Variants in SMARCE1 observed in about 807,000 individuals in gnomAD.
SMARCE1 encodes SWI/SNF related BAF chromatin remodeling complex subunit E1.
Under a neutral mutation model 54.9 loss-of-function variants are expected in SMARCE1, and 13 were observed. That is an observed-to-expected ratio of 0.24 (90% CI 0.15 to 0.38). SMARCE1 has a LOEUF of 0.38. Ranked by LOEUF, SMARCE1 falls within the 10% of genes least tolerant of loss-of-function variation. The pLI is 1.00. For missense variants in SMARCE1, 295 were observed against 523.8 expected (o/e 0.56, Z 4.26); for synonymous variants, 151 against 175.3 (o/e 0.86, Z 1.10).
chr17:40,632,117 G>T, intron 8 of SMARCE1, 78 bp downstream of exon 8: 1 of 1,118,396 alleles, frequency 8.9e-7, no homozygotes, highest in Non-Finnish European at 1.3e-6. Flanking sequence ...GGTAGATTTA[G>T]GCATGGTGTA....
At position 40,642,801 on chromosome 17, in the gene SMARCE1, TTG is replaced by T. The variant is rs2037212296; in HGVS notation, c.52-244_52-243del. On this transcript the variant is annotated intron_variant, in intron 3 of 10. Transcript: ENST00000348513. This position sits in a 1 kb window ranked among gnomAD's most constrained non-coding sequence, Gnocchi z 4.6. ...TCTTTTTTGCAGGGGCTGGGGGTGT[TTG>T]TGTGACTGTGAATGTGTGTTTTGTT... The T allele has an allele frequency of 2.1e-6, 1 of 480,380 alleles. No homozygotes were observed. Among genetic ancestry groups the T allele is most frequent in the East Asian group, 3.6e-5 (1 of 27,876 alleles). The allele number at this position is 480,380 out of a possible 1,614,324, so 29.8% of individuals were successfully genotyped here. A position where few individuals can be genotyped will look rare whatever the true frequency, so the allele number is the denominator to read the frequency against.
At chr17:40,640,665 A>G (rs1386302191) in intron 4 of SMARCE1, 1 of 152,184 alleles carries the variant, frequency 6.6e-6, no homozygotes, top group Non-Finnish European at 1.5e-5. Context: ...AGTAGTGTAA[A>G]ACCTCCACAT....
At chr17:40,630,965 A>G (rs1597742629) in intron 9 of SMARCE1, 41 bp from the exon 10 acceptor site, 1 of 1,533,750 alleles carries the variant, frequency 6.5e-7, no homozygotes. Flanking sequence ...TTTTTTCCTT[A>G]TAATTTTTGA....
chr17:40,636,169 T>C, intron 6 of SMARCE1, 67 bp from the exon 7 acceptor site: 1 of 1,328,724 alleles, frequency 7.5e-7, no homozygotes, highest in Non-Finnish European at 1.0e-6. Flanking sequence ...ACCTATGTTA[T>C]CTCACTTGAA....
At chr17:40,637,174 T>G (rs948008908) in intron 5 of SMARCE1, 1 of 271,178 alleles carries the variant, frequency 3.7e-6, no homozygotes, top group African/African-American at 2.3e-5. Flanking sequence ...AAATGAGATA[T>G]TAATTCATGT....
In SMARCE1 at chr17:40,627,997, A is replaced by G. The variant is rs2037052439; in HGVS notation, c.*788T>C. 6.6e-6 allele frequency: 1 copy of G among 152,650 alleles called. No homozygotes were observed. Among genetic ancestry groups the G allele is most frequent in the African/African-American group, 2.4e-5 (1 of 41,458 alleles). 9.5% of individuals were successfully genotyped at this position (152,650 alleles called of 1,614,324 possible). A position where few individuals can be genotyped will look rare whatever the true frequency, so the allele number is the denominator to read the frequency against. ...TGGAATGGGCTAATCAGTTTGAATT[A>G]TCTAGTCCATTACAAGAATATTAAA... On this transcript the variant is annotated 3_prime_UTR_variant, in exon 11 of 11. Transcript: ENST00000348513.
Position 40,636,736 on chromosome 17 carries a change from G to C in SMARCE1, c.238-210C>G, listed in dbSNP as rs533020960. Reference sequence around the variant, plus strand: ...CTGGATTACTTTAAGATAGATCTCAGACATCACGTCACTCACTTATAAATA... The same window carrying C: ...CTGGATTACTTTAAGATAGATCTCACACATCACGTCACTCACTTATAAATA... On this transcript the variant is annotated intron_variant, in intron 5 of 10. Coordinates refer to ENST00000348513, the MANE Select transcript of SMARCE1 (RefSeq NM_003079.5). 16 of 450,420 alleles carry C rather than the reference G, an allele frequency of 3.6e-5. No individual in the cohort carries two copies. The South Asian group carries it at 5.2e-4, about 15-fold the overall frequency. 27.9% of individuals were successfully genotyped at this position (450,420 alleles called of 1,614,324 possible). A position where few individuals can be genotyped will look rare whatever the true frequency, so the allele number is the denominator to read the frequency against.
chr17:40,641,185 T>TC (rs2037196995), intron 4 of SMARCE1: 1 of 152,248 alleles, frequency 6.6e-6, no homozygotes, highest in Non-Finnish European at 1.5e-5. Context: ...AAATGTTCTT[T>TC]ATCATTTGAA....
chr17:40,630,868 C>T lies in SMARCE1; in HGVS notation c.873G>A (p.Gln291=). ...DMEKIAAEIA[Q]AEEQARKRQE... is the part of the protein sequence containing the mutation. The stretch of plus-strand genomic sequence containing the variant: ...GCCTTTTGCGGGCCTGTTCCTCTGC[C>T]TGTGCAATCTCAGCTGCAATTTTCT... The change falls in exon 10 of 11, where the codon CAG becomes CAA. Residue 291 remains glutamine, a synonymous_variant. Coordinates refer to ENST00000348513, the MANE Select transcript of SMARCE1 (RefSeq NM_003079.5). 6.2e-7 allele frequency: 1 copy of T among 1,613,936 alleles called. No homozygotes were observed. The highest frequency in any genetic ancestry group is 1.7e-5 in the Admixed American group (1 of 60,010).
At chr17:40,633,537 G>A (rs1292726563) in intron 7 of SMARCE1, 1 of 152,172 alleles carries the variant, frequency 6.6e-6, no homozygotes, top group Non-Finnish European at 1.5e-5. Flanking sequence ...CACCAGACAG[G>A]GAGGAACCAC....
At chr17:40,646,333 TGAACTTC>T (rs2037256616) in intron 1 of SMARCE1, among the ~76,000 whole-genome samples, 1 of 152,222 alleles carries the variant, frequency 6.6e-6, no homozygotes, top group African/African-American at 2.4e-5. Context: ...GGTATGACAA[TGAACTTC>T]ACATTCTCTT....
rs1478087259 is a variant in SMARCE1, at chr17:40,632,380, A to C, written c.542-13T>G. The C allele has an allele frequency of 2.5e-6, 4 of 1,610,826 alleles. No homozygotes were observed. The highest frequency in any genetic ancestry group is 3.4e-6 in the Non-Finnish European group (4 of 1,178,106). ...CCATCATCATAATCTGGAGTGAACA[A>C]ATTGTTCTGGAAATCAGGTCACCAG... On this transcript the variant is annotated splice_polypyrimidine_tract_variant and intron_variant, in intron 7 of 10. Transcript: ENST00000348513.
rs1309124451 is a variant in SMARCE1, at chr17:40,638,590, C to A, written c.157-1018G>T. On this transcript the variant is annotated intron_variant, in intron 4 of 10. Transcript: ENST00000348513. The stretch of plus-strand genomic sequence containing the variant: ...CCAGATAACACCCATCTAAAAGTAT[C>A]TATTTCTGAACTTTTTAGTCTCCTG... Among the ~76,000 whole-genome samples, 5 of 152,092 alleles carry A rather than the reference C, an allele frequency of 3.3e-5. No individual in the cohort carries two copies. The East Asian group carries it at 7.7e-4, about 23-fold the overall frequency.
rs2037206650 is a variant in SMARCE1 at position 40,642,277 on chromosome 17, TCTCA to T, written c.156+174_156+177del. The T allele has an allele frequency of 1.5e-6, 1 of 671,222 alleles. No individual in the cohort carries two copies. Among genetic ancestry groups the T allele is most frequent in the Non-Finnish European group, 2.7e-6 (1 of 374,166 alleles). The allele number at this position is 671,222 out of a possible 1,614,324, so 41.6% of individuals were successfully genotyped here. A position where few individuals can be genotyped will look rare whatever the true frequency, so the allele number is the denominator to read the frequency against. ...TCTTTTCTTCTATATACATTCCAGATCTCACTATTTATTTTTTCAGTGTGAGATG... is the reference window on the plus strand; with the variant it reads ...TCTTTTCTTCTATATACATTCCAGATCTATTTATTTTTTCAGTGTGAGATG... On this transcript the variant is annotated intron_variant, in intron 4 of 10. Transcript: ENST00000348513. This position sits in a 1 kb window ranked among gnomAD's most constrained non-coding sequence, Gnocchi z 4.6.
rs773055084 is a variant in SMARCE1, at chr17:40,635,855, AACTTAT to A, written c.541+70_541+75del. 260 of 1,107,916 alleles carry A rather than the reference AACTTAT, an allele frequency of 2.3e-4. 1 individual carries two copies. Among genetic ancestry groups the A allele is most frequent in the Middle Eastern group, 4.2e-4 (2 of 4,734 alleles). 68.6% of individuals were successfully genotyped at this position (1,107,916 alleles called of 1,614,324 possible). ...TTTTCCATTTAGGATAAGAAATAAAAACTTATACTTAAGAGATTTCTCATATCTTAA... is the reference window on the plus strand; with the variant it reads ...TTTTCCATTTAGGATAAGAAATAAAAACTTAAGAGATTTCTCATATCTTAA... On this transcript the variant is annotated intron_variant, in intron 7 of 10. Transcript: ENST00000348513.
chr17:40,630,801 T>C lies in SMARCE1; in HGVS notation c.940A>G (p.Ser314Gly). Residue 314 changes from serine to glycine, a missense_variant, in exon 10 of 11, where the codon AGT becomes GGT. This residue lies in a region of SMARCE1 where 147 missense variants were observed against 161.4 expected (regional missense o/e 0.91). Coordinates refer to ENST00000348513, the MANE Select transcript of SMARCE1 (RefSeq NM_003079.5). Reference protein sequence around the residue: ...EKEAAEQAERSQSSIVPEEEQ... With the variant: ...EKEAAEQAERGQSSIVPEEEQ... ...TCCTCAGGAACGATGCTGCTCTGAC[T>C]GCGCTCAGCTTGCTCTGCGGCCTCC... The C allele has an allele frequency of 1.9e-6, 3 of 1,614,160 alleles. No individual in the cohort carries two copies. Among genetic ancestry groups the C allele is most frequent in the South Asian group, 1.1e-5 (1 of 91,080 alleles).
intron 10 of SMARCE1, chr17:40,630,277 C>T: frequency 6.7e-7 from 1 of 1,499,164 alleles, no homozygotes; most frequent in African/African-American, 1.4e-5. Context: ...ACAGAGCTGG[C>T]AATTTTTTTC....
intron 7 of SMARCE1, chr17:40,633,531 A>G (rs1007957135): frequency 2.0e-5 from 3 of 152,254 alleles, no homozygotes; most frequent in African/African-American, 7.2e-5. Context: ...GTGACCCACC[A>G]GACAGGGAGG....
intron 10 of SMARCE1, chr17:40,629,595 T>A: frequency 1.1e-6 from 1 of 949,358 alleles, no homozygotes; most frequent in Non-Finnish European, 1.4e-6. Context: ...GCATGAGGTT[T>A]TAGCTCTAAT....
Sources: allele counts gnomAD v4.1 joint callset (sites outside exome capture counted in the v4.1 genomes callset), GRCh38; gene constraint gnomAD v4.1.1; regional missense constraint gnomAD v4.1.1; non-coding constraint Gnocchi (gnomAD v3.1); transcripts MANE v1.5; gene names NCBI Gene and HGNC (gene_info 2026-07-23, HGNC 2026-07-21).